Variants in AGPAT4 observed in about 807,000 individuals in gnomAD.
AGPAT4 encodes the protein 1-acyl-sn-glycerol-3-phosphate acyltransferase delta.
AGPAT4 carries 15 observed loss-of-function variants against 48.0 expected under a neutral mutation model. The observed-to-expected ratio is 0.31, with a 90% CI of 0.21 to 0.48. AGPAT4 has a LOEUF of 0.48. AGPAT4 is among the 20% of genes least tolerant of loss of function. The pLI is 0.99. For missense variants in AGPAT4, 314 were observed against 482.5 expected, an observed-to-expected ratio of 0.65 and a Z score of 3.27; for synonymous variants, 178 against 198.7, an observed-to-expected ratio of 0.90 and a Z score of 0.88.
intron 2 of AGPAT4, among the ~76,000 whole-genome samples, chr6:161,227,450 TC>T (rs1188617585): frequency 6.6e-6 from 1 of 152,260 alleles, no homozygotes; most frequent in East Asian, 1.9e-4. Flanking sequence ...CTGCTTCCTC[TC>T]GGGAAAGTAG....
rs886785236 is a variant in AGPAT4, at chr6:161,219,780, T to G, written c.178+12256A>C. ...ATTCCCTATTTAAAACGTAAGGTCA[T>G]TTCTTGTACCAGGGACACAGATTCA... On this transcript the variant is annotated intron_variant, in intron 2 of 8. Transcript: ENST00000320285. The surrounding 1 kb of genome is among the most constrained non-coding windows in gnomAD (Gnocchi z 4.9). Among the ~76,000 whole-genome samples the G allele has an allele frequency of 1.3e-5, 2 of 151,190 alleles. No homozygotes were observed. The highest frequency in any genetic ancestry group is 4.9e-5 in the African/African-American group (2 of 40,654).
intron 1 of AGPAT4, among the ~76,000 whole-genome samples, chr6:161,237,735 TTC>T (rs1459932685): frequency 6.6e-6 from 1 of 152,216 alleles, no homozygotes; most frequent in African/African-American, 2.4e-5. Context: ...TCTCCTTTTC[TTC>T]TCTGTGTTTT....
At position 161,236,010 on chromosome 6, in the gene AGPAT4, A is replaced by G. The variant is rs1184456644; in HGVS notation, c.-89-3708T>C. 1.3e-5 allele frequency among the ~76,000 whole-genome samples: 2 copies of G among 152,244 alleles called. No individual in the cohort carries two copies. Among genetic ancestry groups the G allele is most frequent in the African/African-American group, 4.8e-5 (2 of 41,462 alleles). On this transcript the variant is annotated intron_variant, in intron 1 of 8. Coordinates refer to ENST00000320285, the MANE Select transcript of AGPAT4 (RefSeq NM_020133.3). This position sits in a 1 kb window ranked among gnomAD's most constrained non-coding sequence, Gnocchi z 5.0. ...GCCAATTTCATGTCATGCCGAGGAA[A>G]GATGGTATAAATATCTGGCCAGCGA...
At position 161,154,765 on chromosome 6, in the gene AGPAT4, G is replaced by A. The variant is rs1055467648; in HGVS notation, c.349-455C>T. Among the ~76,000 whole-genome samples the A allele has an allele frequency of 8.5e-5, 13 of 152,180 alleles. No individual in the cohort carries two copies. The highest frequency in any genetic ancestry group is 2.4e-4 in the African/African-American group (10 of 41,448). On this transcript the variant is annotated intron_variant, in intron 3 of 8. Transcript: ENST00000320285. This position sits in a 1 kb window ranked among gnomAD's most constrained non-coding sequence, Gnocchi z 7.8. The stretch of plus-strand genomic sequence containing the variant: ...TTACAAAATATAGTAATTCTTGATC[G>A]CTGAAAATGTCAAACGCTAGAAAAT...
chr6:161,213,766 T>C (rs752363959), intron 2 of AGPAT4, among the ~76,000 whole-genome samples: 1 of 152,190 alleles, frequency 6.6e-6, no homozygotes, highest in Non-Finnish European at 1.5e-5. Context: ...CTATTTTCTC[T>C]TCATAGAATA....
rs973182111 is a variant in AGPAT4 at position 161,132,107 on chromosome 6, T to A, written c.*4433A>T. 6.6e-6 allele frequency: 1 copy of A among 152,172 alleles called. No individual in the cohort carries two copies. The highest frequency in any genetic ancestry group is 2.4e-5 in the African/African-American group (1 of 41,436). The allele number at this position is 152,172 out of a possible 1,614,324, so 9.4% of individuals were successfully genotyped here. A position where few individuals can be genotyped will look rare whatever the true frequency, so the allele number is the denominator to read the frequency against. ...TTCATTACGGGCTCCGGTTTTGGAG[T>A]GCAGAGGGATTGGCATTTGTAAAGA... On this transcript the variant is annotated 3_prime_UTR_variant, in exon 9 of 9. Coordinates refer to ENST00000320285, the MANE Select transcript of AGPAT4 (RefSeq NM_020133.3).
rs1477896065 is a variant in AGPAT4, at chr6:161,141,171, C to T, written c.844-1551G>A. Reference sequence around the variant, plus strand: ...ATTTTGGAAGGAGAACCCCCAACCCCTTCCCTGGGCAGTTCAGGTGCCTCT... The same window carrying T: ...ATTTTGGAAGGAGAACCCCCAACCCTTTCCCTGGGCAGTTCAGGTGCCTCT... On this transcript the variant is annotated intron_variant, in intron 7 of 8. Coordinates refer to ENST00000320285, the MANE Select transcript of AGPAT4 (RefSeq NM_020133.3). The surrounding 1 kb of genome is among the most constrained non-coding windows in gnomAD (Gnocchi z 6.7). Among the ~76,000 whole-genome samples the T allele has an allele frequency of 6.6e-6, 1 of 152,090 alleles. No individual in the cohort carries two copies. The highest frequency in any genetic ancestry group is 1.5e-5 in the Non-Finnish European group (1 of 68,026).
intron 2 of AGPAT4, among the ~76,000 whole-genome samples, chr6:161,213,809 G>GTT (rs1781576825): frequency 6.6e-6 from 1 of 151,974 alleles, no homozygotes; most frequent in East Asian, 1.9e-4. Flanking sequence ...TAATAACTTA[G>GTT]ATCCTACCTG....
Position 161,149,153 on chromosome 6 carries a change from C to A in AGPAT4, c.767+34G>T. ...TGATGTGTTTACTTTGAAATGGGCA[C>A]TGTCTTTTCTGGAAAGGAAACAGTT... On this transcript the variant is annotated intron_variant, in intron 6 of 8. Transcript: ENST00000320285. This position sits in a 1 kb window ranked among gnomAD's most constrained non-coding sequence, Gnocchi z 6.5. 1 of 1,603,696 alleles carries A rather than the reference C, an allele frequency of 6.2e-7. No individual in the cohort carries two copies. Among genetic ancestry groups the A allele is most frequent in the Non-Finnish European group, 8.5e-7 (1 of 1,176,462 alleles).
At position 161,136,262 on chromosome 6, in the gene AGPAT4, G is replaced by T; in HGVS notation, c.*278C>A. 75 of 383,058 alleles carry T rather than the reference G, an allele frequency of 2.0e-4. No homozygotes were observed. The highest frequency in any genetic ancestry group is 1.6e-3 in the Middle Eastern group (2 of 1,288). The allele number at this position is 383,058 out of a possible 1,614,324, so 23.7% of individuals were successfully genotyped here. Reference sequence around the variant, plus strand: ...CTGCAGCCTAAAATACCCTTTCTATGATCACAGAACAAAGTTCACACTCAC... The same window carrying T: ...CTGCAGCCTAAAATACCCTTTCTATTATCACAGAACAAAGTTCACACTCAC... On this transcript the variant is annotated 3_prime_UTR_variant, in exon 9 of 9. Transcript: ENST00000320285.
chr6:161,168,987 T>C (rs1286175528), intron 2 of AGPAT4, among the ~76,000 whole-genome samples: 1 of 152,130 alleles, frequency 6.6e-6, no homozygotes, highest in Non-Finnish European at 1.5e-5. Context: ...TAGCATGACA[T>C]GGGGCATAGC....
intron 2 of AGPAT4, among the ~76,000 whole-genome samples, chr6:161,179,291 C>T (rs1359462904): frequency 1.3e-5 from 2 of 152,132 alleles, no homozygotes; most frequent in African/African-American, 4.8e-5. Context: ...CACAAGGGCC[C>T]AGCACCACTC....
At position 161,166,165 on chromosome 6, in the gene AGPAT4, T is replaced by G; in HGVS notation, c.348+83A>C. On this transcript the variant is annotated intron_variant, in intron 3 of 8. Coordinates refer to ENST00000320285, the MANE Select transcript of AGPAT4 (RefSeq NM_020133.3). This position sits in a 1 kb window ranked among gnomAD's most constrained non-coding sequence, Gnocchi z 6.7. ...ACTCTGTTGATTCTTCTGCAAGTTC[T>G]GAATGACCAGGAGCAAAAAGACAAG... is the stretch of plus-strand genomic sequence containing the variant. 1.3e-6 allele frequency: 2 copies of G among 1,527,216 alleles called. No individual in the cohort carries two copies. Among genetic ancestry groups the G allele is most frequent in the Non-Finnish European group, 1.8e-6 (2 of 1,122,578 alleles). 94.6% of individuals were successfully genotyped at this position (1,527,216 alleles called of 1,614,324 possible).
chr6:161,153,220 C>G, intron 5 of AGPAT4, 126 bp downstream of exon 5: 1 of 1,304,198 alleles, frequency 7.7e-7, no homozygotes, highest in Non-Finnish European at 1.0e-6. Context: ...CTTGAGCAGC[C>G]ACTCTGAGCT....
Position 161,164,286 on chromosome 6 carries a change from T to C in AGPAT4, c.348+1962A>G, listed in dbSNP as rs566330519. Reference sequence around the variant, plus strand: ...TGGGGCTCACCTTCTCCCTCATCTGTGCCTGTCCCCGTGCCTGCTAGTGCT... The same window carrying C: ...TGGGGCTCACCTTCTCCCTCATCTGCGCCTGTCCCCGTGCCTGCTAGTGCT... On this transcript the variant is annotated intron_variant, in intron 3 of 8. Transcript: ENST00000320285. This position sits in a 1 kb window ranked among gnomAD's most constrained non-coding sequence, Gnocchi z 7.4. Among the ~76,000 whole-genome samples the C allele has an allele frequency of 2.0e-5, 3 of 152,348 alleles. No individual in the cohort carries two copies. The East Asian group carries it at 5.8e-4, about 29-fold the overall frequency.
At chr6:161,162,582 G>T (rs1420128736) in intron 3 of AGPAT4, among the ~76,000 whole-genome samples, 3 of 152,322 alleles carry the variant, frequency 2.0e-5, no homozygotes, top group African/African-American at 7.2e-5. Flanking sequence ...CCGCTCAGCT[G>T]CACCTGGATT....
intron 2 of AGPAT4, among the ~76,000 whole-genome samples, chr6:161,167,190 T>C (rs1280587756): frequency 1.3e-5 from 2 of 152,052 alleles, no homozygotes; most frequent in Non-Finnish European, 2.9e-5. Context: ...CGGTGTTCAG[T>C]AGGGGTGGGC....
rs944015829 is a variant in AGPAT4, at chr6:161,161,783, C to T, written c.348+4465G>A. ...CCACACACAATCAACACTCACTGGA[C>T]ACGTATTTTGAAGGTATATCAATTG... On this transcript the variant is annotated intron_variant, in intron 3 of 8. Transcript: ENST00000320285. This position sits in a 1 kb window ranked among gnomAD's most constrained non-coding sequence, Gnocchi z 4.6. The T allele has an allele frequency of 3.3e-6, 1 of 302,226 alleles. No homozygotes were observed. The highest frequency in any genetic ancestry group is 4.1e-5 in the Admixed American group (1 of 24,296). 18.7% of individuals were successfully genotyped at this position (302,226 alleles called of 1,614,324 possible). A position where few individuals can be genotyped will look rare whatever the true frequency, so the allele number is the denominator to read the frequency against.
At position 161,155,068 on chromosome 6, in the gene AGPAT4, C is replaced by T. The variant is rs1274282119; in HGVS notation, c.349-758G>A. On this transcript the variant is annotated intron_variant, in intron 3 of 8. Transcript: ENST00000320285. The surrounding 1 kb of genome is among the most constrained non-coding windows in gnomAD (Gnocchi z 5.8). ...TGAGGCTGAGACGGGGCAGAAGCAC[C>T]TGCCAGAGACCTTCTTGAGGCTGAC... is the stretch of plus-strand genomic sequence containing the variant. Among the ~76,000 whole-genome samples the T allele has an allele frequency of 2.0e-5, 3 of 152,200 alleles. No individual in the cohort carries two copies.
Sources: allele counts gnomAD v4.1 joint callset (sites outside exome capture counted in the v4.1 genomes callset), GRCh38; gene constraint gnomAD v4.1.1; non-coding constraint Gnocchi (gnomAD v3.1); transcripts MANE v1.5; gene names NCBI Gene and HGNC (gene_info 2026-07-23, HGNC 2026-07-21).